The following ARMC3 variants were observed in gnomAD, a reference collection of about 807,000 sequenced individuals.
The protein encoded by ARMC3 is armadillo repeat containing 3, also known as armadillo repeat-containing protein 3.
ARMC3 carries 74 observed loss-of-function variants against 90.3 expected under a neutral mutation model. That is an observed-to-expected ratio of 0.82 (90% CI 0.68 to 0.99). The LOEUF is 0.99. Among genes scored for constraint, ARMC3 ranks in the 50% least tolerant of loss-of-function variants. The pLI is 0.00. For synonymous variants in ARMC3, 334 were observed against 361.8 expected (o/e 0.92, Z 0.87); for missense variants, 958 against 1,042.8 (o/e 0.92, Z 1.12).
chr10:23,029,584 A>G (rs536051455), intron 16 of ARMC3, among the ~76,000 whole-genome samples: 1 of 152,342 alleles, frequency 6.6e-6, no homozygotes, highest in Non-Finnish European at 1.5e-5. Flanking sequence ...TAACTAAGGA[A>G]TATTCAAAAA....
chr10:22,990,506 T>A (rs1157324164), intron 10 of ARMC3, among the ~76,000 whole-genome samples: 1 of 152,226 alleles, frequency 6.6e-6, no homozygotes, highest in Non-Finnish European at 1.5e-5. Context: ...GATGATGATG[T>A]TGTTGAAAGC....
chr10:23,016,883 A>G (rs1218118025), intron 16 of ARMC3, among the ~76,000 whole-genome samples: 1 of 152,182 alleles, frequency 6.6e-6, no homozygotes, highest in Admixed American at 6.5e-5. Flanking sequence ...GGTAACTCTG[A>G]ATAGTCACTC....
At chr10:23,021,079 C>A (rs1189396816) in intron 16 of ARMC3, among the ~76,000 whole-genome samples, 2 of 152,118 alleles carry the variant, frequency 1.3e-5, no homozygotes, top group African/African-American at 4.8e-5. Context: ...TTTTCTGTTC[C>A]TGCATTAATT....
chr10:22,988,251 T>C (rs1836547047), intron 10 of ARMC3, among the ~76,000 whole-genome samples: 1 of 152,236 alleles, frequency 6.6e-6, no homozygotes, highest in African/African-American at 2.4e-5. Context: ...GAGAAAACTT[T>C]AGAACGTATG....
intron 13 of ARMC3, among the ~76,000 whole-genome samples, chr10:23,005,557 A>C (rs1837559575): frequency 6.6e-6 from 1 of 152,170 alleles, no homozygotes; most frequent in African/African-American, 2.4e-5. Flanking sequence ...AATAAATGAT[A>C]TCCCAGGGTA....
chr10:23,030,123 A>G (rs556198131), intron 16 of ARMC3, among the ~76,000 whole-genome samples: 24 of 152,310 alleles, frequency 1.6e-4, no homozygotes, highest in Admixed American at 8.5e-4. Flanking sequence ...TCTCTTGAAA[A>G]TTAGTTTGTC....
chr10:22,941,066 T>C (rs1325856712), intron 2 of ARMC3, among the ~76,000 whole-genome samples: 1 of 152,110 alleles, frequency 6.6e-6, no homozygotes, highest in Non-Finnish European at 1.5e-5. Context: ...TCAAAAATAT[T>C]CTGCCACATG....
At chr10:22,941,312 T>G (rs138050164) in intron 2 of ARMC3, among the ~76,000 whole-genome samples, 1 of 152,194 alleles carries the variant, frequency 6.6e-6, no homozygotes, top group Admixed American at 6.5e-5. Context: ...TCTATACAGA[T>G]GTATACATTC....
intron 8 of ARMC3, among the ~76,000 whole-genome samples, chr10:22,972,416 G>C (rs532996031): frequency 1.3e-5 from 2 of 152,180 alleles, no homozygotes; most frequent in African/African-American, 4.8e-5. Context: ...ATTTTTCCTA[G>C]CATCATTTGT....
chr10:22,968,473 T>A lies in ARMC3; in HGVS notation c.900T>A (p.Thr300=). 1 of 1,591,854 alleles carries A rather than the reference T, an allele frequency of 6.3e-7. No individual in the cohort carries two copies. The highest frequency in any genetic ancestry group is 8.5e-7 in the Non-Finnish European group (1 of 1,172,926). The change falls in exon 8 of 19, where the codon ACT becomes ACA. Residue 300 remains threonine (T), a synonymous_variant. Coordinates refer to ENST00000298032, the MANE Select transcript of ARMC3 (RefSeq NM_173081.5). ...AGAAGAATGCAGCAAAAGCCATTACTAAAGCAGCTTATGATCGTATGTCTC... is the reference window on the plus strand; with the variant it reads ...AGAAGAATGCAGCAAAAGCCATTACAAAAGCAGCTTATGATCGTATGTCTC... ...DIQKNAAKAI[T]KAAYDPENRK...
intron 10 of ARMC3, among the ~76,000 whole-genome samples, chr10:22,986,110 G>GCCCCA (rs1554779893): frequency 9.8e-6 from 1 of 101,534 alleles, no homozygotes; most frequent in East Asian, 4.5e-4. Context: ...TGCACTGCAC[G>GCCCCA]CCCCCCCCCC....
intron 10 of ARMC3, among the ~76,000 whole-genome samples, chr10:22,994,613 G>C (rs61847553): frequency 0.02 from 3,084 of 152,078 alleles, 54 homozygotes; most frequent in Admixed American, 0.051. Context: ...AACCGTGAAA[G>C]TTTTAAGTAG....
chr10:22,936,933 T>C (rs750007922), intron 2 of ARMC3, among the ~76,000 whole-genome samples: 4 of 152,164 alleles, frequency 2.6e-5, no homozygotes, highest in Non-Finnish European at 5.9e-5. Flanking sequence ...AGATAGGGTC[T>C]TGCTCTGTCT....
At chr10:23,019,509 A>G (rs183110456) in intron 16 of ARMC3, among the ~76,000 whole-genome samples, 12 of 152,110 alleles carry the variant, frequency 7.9e-5, no homozygotes, top group African/African-American at 2.7e-4. Context: ...GGTATTTTCT[A>G]TTTGTTCTCT....
chr10:22,931,018 C>A (rs1380988785), intron 1 of ARMC3, among the ~76,000 whole-genome samples: 2 of 152,096 alleles, frequency 1.3e-5, no homozygotes, highest in African/African-American at 4.8e-5. Flanking sequence ...GCCTCCGCCT[C>A]CCGGGTTCAA....
At chr10:22,955,775 C>T (rs760601896) in intron 3 of ARMC3, 32 bp from the exon 4 acceptor site, 1 of 1,611,456 alleles carries the variant, frequency 6.2e-7, no homozygotes, top group Non-Finnish European at 8.5e-7. Flanking sequence ...CGATAATATC[C>T]ATGTGTGGTT....
chr10:22,941,179 T>C (rs1416515698), intron 2 of ARMC3, among the ~76,000 whole-genome samples: 1 of 152,154 alleles, frequency 6.6e-6, no homozygotes, highest in Non-Finnish European at 1.5e-5. Context: ...TCAGTGGTTG[T>C]CTGGGACCAG....
At chr10:22,994,674 G>A (rs946933720) in intron 10 of ARMC3, among the ~76,000 whole-genome samples, 4 of 152,212 alleles carry the variant, frequency 2.6e-5, no homozygotes, top group Admixed American at 6.5e-5. Flanking sequence ...GTAAGACGGA[G>A]GAAGGACTGG....
At chr10:22,985,997 T>G (rs1836404850) in intron 10 of ARMC3, among the ~76,000 whole-genome samples, 1 of 151,844 alleles carries the variant, frequency 6.6e-6, no homozygotes, top group Non-Finnish European at 1.5e-5. Context: ...TTTTCAACGC[T>G]CCTTCCCTGC....
Sources: gnomAD v4.1 joint callset for allele counts (sites outside exome capture counted in the v4.1 genomes callset) on GRCh38, gnomAD v4.1.1 for gene constraint, MANE v1.5 for transcripts, NCBI Gene and HGNC (gene_info 2026-07-23, HGNC 2026-07-21) for gene names.